FAM81A: variants seen among roughly 807,000 people sequenced by gnomAD.
FAM81A encodes the protein protein FAM81A.
A neutral mutation model predicts 46.7 loss-of-function variants in FAM81A; 19 were observed. The observed-to-expected ratio is 0.41, with a 90% CI of 0.28 to 0.60. The LOEUF is 0.60. Among genes scored for constraint, FAM81A ranks in the 20% least tolerant of loss-of-function variants. The pLI is 0.34. For synonymous variants in FAM81A, 183 were observed against 152.9 expected (o/e 1.20, Z -1.45); for missense variants, 377 against 453.5 (o/e 0.83, Z 1.53).
chr15:59,402,001 G>T, intron 1 of FAM81A: 2 of 640,062 alleles, frequency 3.1e-6, no homozygotes, highest in Non-Finnish European at 5.6e-6. Flanking sequence ...TTGTTCTGTG[G>T]CATGTTGACG....
Position 59,460,029 on chromosome 15 carries a change from C to T in FAM81A, c.117C>T (p.Cys39=). The change falls in exon 3 of 9, where the codon TGC becomes TGT. Residue 39 remains cysteine, a synonymous_variant. Coordinates refer to ENST00000288228, the MANE Select transcript of FAM81A (RefSeq NM_152450.3). The surrounding 1 kb of genome is among the most constrained non-coding windows in gnomAD (Gnocchi z 4.4). ...LVEQLEDRIL[C]HEKTTAALVE... is the part of the protein sequence containing the mutation. ...AGCAGCTGGAAGACAGGATCCTCTG[C>T]CATGAGAAAACCACCGCCGCCCTCG... 6.2e-7 allele frequency: 1 copy of T among 1,613,866 alleles called. No individual in the cohort carries two copies. Among genetic ancestry groups the T allele is most frequent in the East Asian group, 2.2e-5 (1 of 44,870 alleles).
At position 59,492,437 on chromosome 15, in the gene FAM81A, A is replaced by G. The variant is rs1187287838; in HGVS notation, c.413+48A>G. On this transcript the variant is annotated intron_variant, in intron 4 of 8. Transcript: ENST00000288228. ...CTCTGCTCATCAAAAACCATTTTCT[A>G]TAAACTCCATTATAGTGGGGAATAT... The G allele has an allele frequency of 2.7e-6, 4 of 1,462,698 alleles. No individual in the cohort carries two copies. The African/African-American group carries it at 5.6e-5, about 20-fold the overall frequency. The allele number at this position is 1,462,698 out of a possible 1,614,324, so 90.6% of individuals were successfully genotyped here.
At chr15:59,480,558 C>G (rs2081837138) in intron 3 of FAM81A, among the ~76,000 whole-genome samples, 2 of 152,128 alleles carry the variant, frequency 1.3e-5, no homozygotes, top group Middle Eastern at 3.2e-3. Flanking sequence ...AGGTGGCTAG[C>G]TTCTGCTCCG....
intron 3 of FAM81A, among the ~76,000 whole-genome samples, chr15:59,484,575 T>G (rs542873414): frequency 6.6e-6 from 1 of 152,162 alleles, no homozygotes; most frequent in Non-Finnish European, 1.5e-5. Flanking sequence ...GTGCAGTGTT[T>G]ATGGGACATT....
intron 2 of FAM81A, among the ~76,000 whole-genome samples, chr15:59,402,722 G>T (rs1486206581): frequency 8.7e-5 from 13 of 150,002 alleles, no homozygotes; most frequent in Admixed American, 1.3e-4. Flanking sequence ...TTGGGGGGTG[G>T]GGGGGATATT....
At chr15:59,479,633 C>T (rs558917308) in intron 3 of FAM81A, among the ~76,000 whole-genome samples, 104 of 150,504 alleles carry the variant, frequency 6.9e-4, no homozygotes, top group African/African-American at 2.5e-3. Flanking sequence ...AGGGAGGAGA[C>T]ACCCAGGGGG....
intron 1 of FAM81A, 113 bp from the exon 2 acceptor site, chr15:59,458,437 C>A (rs561945795): frequency 1.5e-6 from 1 of 654,486 alleles, no homozygotes; most frequent in Non-Finnish European, 2.6e-6. Flanking sequence ...AATAATATAA[C>A]TTATCAGTGT....
chr15:59,496,600 A>G (rs1050046426), intron 4 of FAM81A, among the ~76,000 whole-genome samples: 12 of 151,538 alleles, frequency 7.9e-5, no homozygotes, highest in African/African-American at 2.9e-4. Flanking sequence ...GCAAGACTCT[A>G]TCTCAAAAAA....
chr15:59,401,467 G>C (rs1178568234), intron 1 of FAM81A: 1 of 777,542 alleles, frequency 1.3e-6, no homozygotes, highest in African/African-American at 1.7e-5. Flanking sequence ...GGGCTTTCTT[G>C]AAACGCAAGC....
At chr15:59,477,324 A>G (rs1596506856) in intron 3 of FAM81A, among the ~76,000 whole-genome samples, 1 of 152,076 alleles carries the variant, frequency 6.6e-6, no homozygotes, top group Non-Finnish European at 1.5e-5. Flanking sequence ...TTGCTGGTTT[A>G]TAGCTGTTTT....
chr15:59,505,357 C>T (rs2082137925), intron 4 of FAM81A, among the ~76,000 whole-genome samples: 1 of 151,866 alleles, frequency 6.6e-6, no homozygotes, highest in Non-Finnish European at 1.5e-5. Flanking sequence ...ACTAAAAATA[C>T]AAAAATTAGC....
At chr15:59,439,619 C>T (rs1006398182) in intron 1 of FAM81A, among the ~76,000 whole-genome samples, 2 of 152,170 alleles carry the variant, frequency 1.3e-5, no homozygotes, top group Non-Finnish European at 2.9e-5. Flanking sequence ...CTGATTTCAT[C>T]TGTATAAGAA....
Position 59,521,374 on chromosome 15 carries a change from T to C in FAM81A, c.1103T>C (p.Met368Thr). The C allele has an allele frequency of 6.2e-7, 1 of 1,608,450 alleles. No individual in the cohort carries two copies. Among genetic ancestry groups the C allele is most frequent in the South Asian group, 1.1e-5 (1 of 90,324 alleles). The change falls in exon 9 of 9, where the codon ATG becomes ACG. Residue 368 changes from methionine (M) to threonine (T), a missense_variant. By Grantham distance (81) the Met-to-Thr change is moderately conservative. Coordinates refer to ENST00000288228, the MANE Select transcript of FAM81A (RefSeq NM_152450.3). ...IQLMQKPETP[M>T] Reference sequence around the variant, plus strand: ...CTGATGCAGAAGCCAGAGACCCCCATGTGAAGGGAGCTGGGACAAGGTCCT... The same window carrying C: ...CTGATGCAGAAGCCAGAGACCCCCACGTGAAGGGAGCTGGGACAAGGTCCT...
At chr15:59,432,445 A>ATT (rs1239482375) in intron 2 of FAM81A, among the ~76,000 whole-genome samples, 3 of 152,170 alleles carry the variant, frequency 2.0e-5, no homozygotes, top group Non-Finnish European at 4.4e-5. Context: ...AACAACATTT[A>ATT]TTTAGTTCTC....
chr15:59,432,533 T>G (rs2081224996), intron 2 of FAM81A, among the ~76,000 whole-genome samples: 1 of 152,228 alleles, frequency 6.6e-6, no homozygotes. Context: ...TATGCGGCAA[T>G]CTTGCACCTG....
chr15:59,421,690 C>T (rs925843437), intron 2 of FAM81A, among the ~76,000 whole-genome samples: 11 of 151,064 alleles, frequency 7.3e-5, no homozygotes, highest in African/African-American at 2.7e-4. Flanking sequence ...TCCTTGGGGA[C>T]AGATTAAACC....
chr15:59,455,447 G>A (rs1297494538), intron 1 of FAM81A, among the ~76,000 whole-genome samples: 1 of 152,198 alleles, frequency 6.6e-6, no homozygotes, highest in African/African-American at 2.4e-5. Flanking sequence ...AGGCAGGTAA[G>A]CCAGAATTAA....
upstream of FAM81A, chr15:59,438,131 C>A (rs1476329999): frequency 9.6e-5 from 14 of 146,194 alleles, no homozygotes; most frequent in Admixed American, 8.1e-4. Flanking sequence ...GGCCGCGCGC[C>A]GGGCCAGGCG....
chr15:59,486,558 A>G (rs2081919161), intron 3 of FAM81A, among the ~76,000 whole-genome samples: 1 of 152,214 alleles, frequency 6.6e-6, no homozygotes, highest in African/African-American at 2.4e-5. Flanking sequence ...CAAGAAGGTT[A>G]TAGAACACCA....
Sources: allele counts gnomAD v4.1 joint callset (sites outside exome capture counted in the v4.1 genomes callset), GRCh38; gene constraint gnomAD v4.1.1; non-coding constraint Gnocchi (gnomAD v3.1); transcripts MANE v1.5; gene names NCBI Gene and HGNC (gene_info 2026-07-23, HGNC 2026-07-21).